CGNL1: variants seen among roughly 807,000 people sequenced by gnomAD.
The protein encoded by CGNL1 is cingulin-like protein 1.
A neutral mutation model predicts 141.2 loss-of-function variants in CGNL1; 132 were observed. The ratio of observed to expected loss-of-function variants is 0.93; its 90% confidence interval spans 0.81 to 1.08. The LOEUF is 1.08. Among genes scored for constraint, CGNL1 ranks in the 50% least tolerant of loss-of-function variants. The pLI is 0.00. For synonymous variants in CGNL1, 690 were observed against 622.1 expected (o/e 1.11, Z -1.63); for missense variants, 1,870 against 1,588.6 (o/e 1.18, Z -3.01).
At chr15:57,451,741 T>A (rs1801726552) in intron 5 of CGNL1, 140 bp downstream of exon 5, 3 of 636,760 alleles carry the variant, frequency 4.7e-6, no homozygotes, top group Admixed American at 6.4e-5. Flanking sequence ...CTGAATAAAT[T>A]CCTGTGTATT....
In CGNL1 at chr15:57,439,524, C is replaced by T. The variant is rs1178562309; in HGVS notation, c.1525C>T (p.Arg509Trp). ...CACCGCTACGCTGATGTTACAGAAC[C>T]GGGCAACAGCAACTTCGCCTGATTC... ...TATATLMLQN[R>W]ATATSPDSGA... The change falls in exon 2 of 19, where the codon CGG (arginine) becomes TGG (tryptophan). Residue 509 changes from arginine to tryptophan, a missense_variant. Coordinates refer to ENST00000281282, the MANE Select transcript of CGNL1 (RefSeq NM_032866.5). 1.1e-5 allele frequency: 18 copies of T among 1,614,142 alleles called. No individual in the cohort carries two copies. Among genetic ancestry groups the T allele is most frequent in the East Asian group, 2.2e-5 (1 of 44,890 alleles).
intron 12 of CGNL1, among the ~76,000 whole-genome samples, chr15:57,526,342 T>C (rs1567170621): frequency 6.6e-6 from 1 of 152,012 alleles, no homozygotes. Context: ...TTGACTAAGT[T>C]GGTAGAGTGA....
intron 1 of CGNL1, among the ~76,000 whole-genome samples, chr15:57,422,219 A>AT (rs5812897): frequency 3.2e-4 from 47 of 145,272 alleles, no homozygotes; most frequent in South Asian, 2.4e-3. Flanking sequence ...CCTTGCAGTT[A>AT]TTTTTTTTTT....
intron 8 of CGNL1, among the ~76,000 whole-genome samples, chr15:57,472,293 A>G (rs1313580067): frequency 1.3e-5 from 2 of 152,106 alleles, no homozygotes; most frequent in Non-Finnish European, 2.9e-5. Context: ...TCAAGCTGTT[A>G]AACCATGGCA....
At chr15:57,499,226 T>G (rs1256572091) in intron 8 of CGNL1, among the ~76,000 whole-genome samples, 3 of 140,450 alleles carry the variant, frequency 2.1e-5, no homozygotes, top group African/African-American at 5.3e-5. Flanking sequence ...ACTCATGAAA[T>G]AAAGTTAATG....
intron 1 of CGNL1, among the ~76,000 whole-genome samples, chr15:57,435,261 A>C (rs933890729): frequency 6.6e-6 from 1 of 152,146 alleles, no homozygotes; most frequent in Non-Finnish European, 1.5e-5. Context: ...TCTTGATTTT[A>C]TTATTGGTAG....
intron 4 of CGNL1, among the ~76,000 whole-genome samples, chr15:57,443,668 C>G (rs2063218040): frequency 6.6e-6 from 1 of 152,206 alleles, no homozygotes; most frequent in Non-Finnish European, 1.5e-5. Flanking sequence ...ATCTTTACAC[C>G]ATAGTCCTTG....
At chr15:57,410,734 C>G (rs1179423123) in intron 1 of CGNL1, among the ~76,000 whole-genome samples, 1 of 152,198 alleles carries the variant, frequency 6.6e-6, no homozygotes, top group South Asian at 2.1e-4. Context: ...ACTTTTGCCT[C>G]TTAATTTTCT....
intron 1 of CGNL1, among the ~76,000 whole-genome samples, chr15:57,435,957 A>G (rs755881652): frequency 1.3e-5 from 2 of 152,200 alleles, no homozygotes; most frequent in Non-Finnish European, 2.9e-5. Context: ...TCATTTTCTG[A>G]CCACAATACA....
At chr15:57,467,487 C>T (rs2063523983) in intron 8 of CGNL1, among the ~76,000 whole-genome samples, 1 of 152,086 alleles carries the variant, frequency 6.6e-6, no homozygotes, top group South Asian at 2.1e-4. Context: ...AAGGTGGCTA[C>T]AGATTCAGAG....
At chr15:57,480,598 A>G (rs1398638766) in intron 8 of CGNL1, among the ~76,000 whole-genome samples, 1 of 152,152 alleles carries the variant, frequency 6.6e-6, no homozygotes, top group African/African-American at 2.4e-5. Context: ...TCTGTGGGGG[A>G]AAATACCATA....
intron 1 of CGNL1, among the ~76,000 whole-genome samples, chr15:57,387,602 C>T (rs1160425358): frequency 6.6e-6 from 1 of 152,116 alleles, no homozygotes; most frequent in East Asian, 1.9e-4. Flanking sequence ...CATGACTCTG[C>T]GTGACAGGTT....
chr15:57,517,283 C>T (rs1271808612), intron 9 of CGNL1, among the ~76,000 whole-genome samples: 1 of 152,214 alleles, frequency 6.6e-6, no homozygotes, highest in African/African-American at 2.4e-5. Flanking sequence ...AGGCATCCAC[C>T]TGAAAGGGCT....
intron 8 of CGNL1, among the ~76,000 whole-genome samples, chr15:57,506,642 C>A (rs1426721096): frequency 6.6e-6 from 1 of 152,072 alleles, no homozygotes; most frequent in African/African-American, 2.4e-5. Flanking sequence ...AGCTGCTGCC[C>A]CCACTTGGAA....
chr15:57,465,580 C>T (rs1381739536), intron 8 of CGNL1, among the ~76,000 whole-genome samples: 13 of 151,424 alleles, frequency 8.6e-5, no homozygotes, highest in African/African-American at 3.2e-4. Flanking sequence ...TAGTAGAGAC[C>T]GGGTTTCACC....
At chr15:57,404,420 C>A (rs1401804580) in intron 1 of CGNL1, among the ~76,000 whole-genome samples, 2 of 152,140 alleles carry the variant, frequency 1.3e-5, no homozygotes, top group African/African-American at 4.8e-5. Flanking sequence ...ATCCAATGAA[C>A]CTGTCACAGA....
chr15:57,384,026 A>T (rs1423836496), intron 1 of CGNL1, among the ~76,000 whole-genome samples: 2 of 140,818 alleles, frequency 1.4e-5, no homozygotes, highest in African/African-American at 5.2e-5. Context: ...CTCAGCCCTA[A>T]CAGTCTGTGC....
At chr15:57,498,795 G>A (rs973421477) in intron 8 of CGNL1, among the ~76,000 whole-genome samples, 10 of 152,150 alleles carry the variant, frequency 6.6e-5, no homozygotes, top group Admixed American at 2.0e-4. Flanking sequence ...AGGCAGACAC[G>A]CAGAGGCCCT....
chr15:57,407,694 T>G (rs767632797), intron 1 of CGNL1, among the ~76,000 whole-genome samples: 1 of 151,552 alleles, frequency 6.6e-6, no homozygotes, highest in Non-Finnish European at 1.5e-5. Context: ...GGCAGGGTGG[T>G]GGGGCTTGAC....
Sources: gnomAD v4.1 joint callset for allele counts (sites outside exome capture counted in the v4.1 genomes callset) on GRCh38, gnomAD v4.1.1 for gene constraint, MANE v1.5 for transcripts, NCBI Gene and HGNC (gene_info 2026-07-23, HGNC 2026-07-21) for gene names.